The following HECW1 variants were observed in gnomAD, a reference collection of about 807,000 sequenced individuals.
HECW1 encodes the protein HECT, C2 and WW domain containing E3 ubiquitin protein ligase 1, also known as E3 ubiquitin-protein ligase HECW1.
A neutral mutation model predicts 182.3 loss-of-function variants in HECW1; 61 were observed. The ratio of observed to expected loss-of-function variants is 0.33; its 90% CI spans 0.27 to 0.41. HECW1 has a LOEUF of 0.41. Ranked by LOEUF, HECW1 falls within the 10% of genes least tolerant of loss-of-function variation. The pLI is 1.00. For missense variants in HECW1, 1,739 were observed against 2,108.9 expected (o/e 0.82, Z 3.44); for synonymous variants, 859 against 832.6 (o/e 1.03, Z -0.55).
chr7:43,112,989 T>G (rs1325153134), intron 1 of HECW1, 52 bp downstream of exon 1: 3 of 170,952 alleles, frequency 1.8e-5, no homozygotes, highest in East Asian at 9.0e-5. Flanking sequence ...CCCCCCGCCC[T>G]TCTCTGGGCG....
chr7:43,488,430 GAA>G lies in HECW1; in HGVS notation c.3235-3643_3235-3642del, dbSNP rs1273806936. Among the ~76,000 whole-genome samples, 11 of 86,676 alleles carry G rather than the reference GAA, an allele frequency of 1.3e-4. No individual in the cohort carries two copies. In the South Asian group the frequency reaches 1.5e-3, roughly 12 times the overall value. The allele number at this position is 86,676 out of a possible 152,430, so 56.9% of individuals were successfully genotyped here. On this transcript the variant is annotated intron_variant, in intron 17 of 29. Coordinates refer to ENST00000395891, the MANE Select transcript of HECW1 (RefSeq NM_015052.5). ...AAAGAAAGAGAGAGAGAGAAAGAAA[GAA>G]AGAGAAAGAAAGAAAGAAAGAAAGA...
At chr7:43,517,072 T>C (rs1005630089) in intron 24 of HECW1, among the ~76,000 whole-genome samples, 1 of 152,224 alleles carries the variant, frequency 6.6e-6, no homozygotes, top group Non-Finnish European at 1.5e-5. Context: ...TGTGCTAACA[T>C]GTATCATTTT....
chr7:43,327,530 A>G lies in HECW1; in HGVS notation c.460+6788A>G, dbSNP rs558312771. Among the ~76,000 whole-genome samples, 12 of 152,328 alleles carry G rather than the reference A, an allele frequency of 7.9e-5. No individual in the cohort carries two copies. In the South Asian group the frequency reaches 2.3e-3, roughly 29 times the overall value. On this transcript the variant is annotated intron_variant, in intron 5 of 29. Transcript: ENST00000395891. The stretch of plus-strand genomic sequence containing the variant: ...ATTCTTTTTATCCTTTCACCACACA[A>G]TTAATTCCCCTCCCTGCTGTCCCTA...
At chr7:43,170,156 C>T (rs190490462) in intron 2 of HECW1, among the ~76,000 whole-genome samples, 3 of 152,166 alleles carry the variant, frequency 2.0e-5, no homozygotes, top group Non-Finnish European at 4.4e-5. Flanking sequence ...CATAGGAGCA[C>T]GAACCTTATT....
chr7:43,230,899 T>C (rs1183266755), intron 2 of HECW1, among the ~76,000 whole-genome samples: 1 of 91,618 alleles, frequency 1.1e-5, no homozygotes, highest in African/African-American at 3.3e-5. Context: ...AAAAATAAAT[T>C]AAAGCAGAAA....
intron 2 of HECW1, among the ~76,000 whole-genome samples, chr7:43,176,575 A>G (rs1792275526): frequency 6.6e-6 from 1 of 152,306 alleles, no homozygotes; most frequent in East Asian, 1.9e-4. Context: ...GGGGCTCACA[A>G]TAGATGGTCA....
chr7:43,158,773 G>A (rs934321272), intron 2 of HECW1, among the ~76,000 whole-genome samples: 4 of 152,094 alleles, frequency 2.6e-5, no homozygotes, highest in East Asian at 1.9e-4. Flanking sequence ...AATGGTAACT[G>A]CACCATGCTC....
At chr7:43,433,608 C>T (rs1026285632) in intron 8 of HECW1, among the ~76,000 whole-genome samples, 1 of 152,202 alleles carries the variant, frequency 6.6e-6, no homozygotes, top group Non-Finnish European at 1.5e-5. Context: ...CTCATAGTGG[C>T]CCCAGCGGTG....
At position 43,336,144 on chromosome 7, in the gene HECW1, T is replaced by TTCTCTCTCTCTCTCTCTCTCTCTCTCTC. The variant is rs768468130; in HGVS notation, c.460+15430_460+15457dup. 4.2e-4 allele frequency among the ~76,000 whole-genome samples: 22 copies of TTCTCTCTCTCTCTCTCTCTCTCTCTCTC among 51,972 alleles called. 1 individual carries two copies. The highest frequency in any genetic ancestry group is 8.3e-4 in the South Asian group (1 of 1,206). 34.1% of individuals were successfully genotyped at this position (51,972 alleles called of 152,430 possible). On this transcript the variant is annotated intron_variant, in intron 5 of 29. Coordinates refer to ENST00000395891, the MANE Select transcript of HECW1 (RefSeq NM_015052.5). ...TTTCTTTCTCTCTCTCTCTCTCTCT[T>TTCTCTCTCTCTCTCTCTCTCTCTCTCTC]TCTCTCTCTCTCTCTCTCTCTCTCT...
rs57632050 is a variant in HECW1, at chr7:43,308,246, A to ATATTTATATATATTATATGATATATT, written c.28-3514_28-3513insTTATATATATTATATGATATATTTAT. ...ATATTTTTATATAATAATATATAAT[A>ATATTTATATATATTATATGATATATT]TATATATATTATATGATATATTTAT... On this transcript the variant is annotated intron_variant, in intron 3 of 29. Transcript: ENST00000395891. Among the ~76,000 whole-genome samples, 6 of 72,102 alleles carry ATATTTATATATATTATATGATATATT rather than the reference A, an allele frequency of 8.3e-5. 1 individual carries two copies. The highest frequency in any genetic ancestry group is 6.2e-4 in the Admixed American group (3 of 4,824). The allele number at this position is 72,102 out of a possible 152,430, so 47.3% of individuals were successfully genotyped here.
chr7:43,479,488 T>C, intron 16 of HECW1, 122 bp from the exon 17 acceptor site: 1 of 1,151,786 alleles, frequency 8.7e-7, no homozygotes, highest in South Asian at 1.4e-5. Context: ...GAAGTAGGGG[T>C]AGGGGAGGCT....
Position 43,565,830 on chromosome 7 carries a change from T to C in HECW1, c.*3904T>C, listed in dbSNP as rs1317808965. 5 of 187,398 alleles carry C rather than the reference T, an allele frequency of 2.7e-5. No homozygotes were observed. The highest frequency in any genetic ancestry group is 4.7e-5 in the African/African-American group (2 of 42,706). The allele number at this position is 187,398 out of a possible 1,614,324, so 11.6% of individuals were successfully genotyped here. ...AGCTTCCAATTTATCCAAGGAAATG[T>C]CTACAACAATTTTGTTCAAAAGTCT... is the stretch of plus-strand genomic sequence containing the variant. On this transcript the variant is annotated 3_prime_UTR_variant, in exon 30 of 30. Transcript: ENST00000395891.
intron 3 of HECW1, among the ~76,000 whole-genome samples, chr7:43,266,091 A>G (rs4724193): frequency 0.41 from 62,779 of 151,932 alleles, 18,552 homozygotes; most frequent in African/African-American, 0.84. Flanking sequence ...TGATTAAATC[A>G]CTGGCCATTG....
intron 16 of HECW1, among the ~76,000 whole-genome samples, chr7:43,477,605 A>G (rs561141268): frequency 6.6e-6 from 1 of 152,292 alleles, no homozygotes; most frequent in African/African-American, 2.4e-5. Flanking sequence ...CCAATTGAAC[A>G]TACAGCCCTT....
At chr7:43,419,892 C>T (rs952140870) in intron 8 of HECW1, among the ~76,000 whole-genome samples, 2 of 152,338 alleles carry the variant, frequency 1.3e-5, no homozygotes, top group Non-Finnish European at 1.5e-5. Context: ...CACTCTATTG[C>T]TGTGTCCAGT....
At chr7:43,306,415 G>T (rs1807577576) in intron 3 of HECW1, among the ~76,000 whole-genome samples, 1 of 151,616 alleles carries the variant, frequency 6.6e-6, no homozygotes, top group Non-Finnish European at 1.5e-5. Context: ...CCACCTGGTG[G>T]CGTAACAAAG....
intron 3 of HECW1, among the ~76,000 whole-genome samples, chr7:43,308,927 A>T (rs1338244325): frequency 6.6e-6 from 1 of 152,164 alleles, no homozygotes; most frequent in Non-Finnish European, 1.5e-5. Flanking sequence ...CAGCCATTTT[A>T]TCTATTTTTA....
chr7:43,381,312 T>TA (rs557250083), intron 6 of HECW1, among the ~76,000 whole-genome samples: 2 of 152,088 alleles, frequency 1.3e-5, no homozygotes, highest in Non-Finnish European at 2.9e-5. Context: ...TTAAAGTTCT[T>TA]ACTTTTATTT....
chr7:43,218,462 G>A (rs1321648547), intron 2 of HECW1, among the ~76,000 whole-genome samples: 1 of 152,148 alleles, frequency 6.6e-6, no homozygotes, highest in African/African-American at 2.4e-5. Flanking sequence ...AGAAGCAATT[G>A]GGTCCTGATA....
Sources: allele counts gnomAD v4.1 joint callset (sites outside exome capture counted in the v4.1 genomes callset), GRCh38; gene constraint gnomAD v4.1.1; transcripts MANE v1.5; gene names NCBI Gene and HGNC (gene_info 2026-07-23, HGNC 2026-07-21).